Variants in GALNTL6 observed in about 807,000 individuals in gnomAD.
The protein encoded by GALNTL6 is polypeptide N-acetylgalactosaminyltransferase-like 6.
Under a neutral mutation model 73.7 loss-of-function variants are expected in GALNTL6, and 46 were observed. That is an observed-to-expected ratio of 0.62 (90% CI 0.49 to 0.80). The LOEUF (loss-of-function observed/expected upper bound fraction) is 0.80. Among genes scored for constraint, GALNTL6 ranks in the 30% least tolerant of loss-of-function variants. GALNTL6 has a pLI of 0.00. For missense variants in GALNTL6, 604 were observed against 755.0 expected (o/e 0.80, Z 2.34); for synonymous variants, 259 against 263.7 (o/e 0.98, Z 0.17).
intron 2 of GALNTL6, among the ~76,000 whole-genome samples, chr4:171,857,913 G>A (rs1295712172): frequency 6.6e-6 from 1 of 152,152 alleles, no homozygotes; most frequent in Admixed American, 6.5e-5. Context: ...CCACATCTGT[G>A]TCTTGCCTGG....
At chr4:172,733,137 G>C (rs6553649) in intron 5 of GALNTL6, among the ~76,000 whole-genome samples, 152,107 of 152,312 alleles carry the variant, frequency 1, 75,952 homozygotes, top group Non-Finnish European at 1. Context: ...ATTCTCTCAG[G>C]CTTTGTTTGT....
intron 3 of GALNTL6, among the ~76,000 whole-genome samples, chr4:172,256,410 A>G (rs1002424694): frequency 2.6e-5 from 4 of 151,562 alleles, no homozygotes; most frequent in Non-Finnish European, 4.4e-5. Context: ...TATTCAAACC[A>G]TAGCTCAAAC....
At chr4:171,944,835 C>T (rs1341616752) in intron 2 of GALNTL6, among the ~76,000 whole-genome samples, 1 of 151,828 alleles carries the variant, frequency 6.6e-6, no homozygotes, top group Non-Finnish European at 1.5e-5. Flanking sequence ...CTCACCTGTA[C>T]TTAATAATTT....
At chr4:172,201,093 T>G (rs1359317846) in intron 2 of GALNTL6, among the ~76,000 whole-genome samples, 1 of 152,146 alleles carries the variant, frequency 6.6e-6, no homozygotes, top group East Asian at 1.9e-4. Flanking sequence ...AAACTCTTTG[T>G]TAAACACTGA....
intron 2 of GALNTL6, among the ~76,000 whole-genome samples, chr4:171,930,633 A>G (rs1738152515): frequency 6.6e-6 from 1 of 152,042 alleles, no homozygotes; most frequent in Non-Finnish European, 1.5e-5. Context: ...TCAGGAGTTC[A>G]AGACCAGCCT....
chr4:172,412,515 T>C (rs930949688), intron 5 of GALNTL6, among the ~76,000 whole-genome samples: 11 of 152,160 alleles, frequency 7.2e-5, no homozygotes, highest in Non-Finnish European at 1.3e-4. Context: ...GCAAGCAAAA[T>C]ATGCTTATAG....
At chr4:172,991,644 A>T (rs1003130459) in intron 10 of GALNTL6, among the ~76,000 whole-genome samples, 1 of 151,836 alleles carries the variant, frequency 6.6e-6, no homozygotes, top group African/African-American at 2.4e-5. Context: ...CTGACCTCAA[A>T]TTATCCTCCC....
intron 5 of GALNTL6, among the ~76,000 whole-genome samples, chr4:172,762,402 G>T (rs978554218): frequency 1.3e-5 from 2 of 151,424 alleles, no homozygotes; most frequent in Admixed American, 6.6e-5. Context: ...CTAGTGAAGG[G>T]GGATCAAAAA....
At chr4:172,683,762 T>A (rs572200946) in intron 5 of GALNTL6, among the ~76,000 whole-genome samples, 2 of 152,340 alleles carry the variant, frequency 1.3e-5, no homozygotes, top group Admixed American at 6.5e-5. Context: ...GTTAGTGAGA[T>A]ACTATTCACA....
chr4:172,766,182 C>T (rs1030751389), intron 5 of GALNTL6, among the ~76,000 whole-genome samples: 3 of 152,120 alleles, frequency 2.0e-5, no homozygotes, highest in African/African-American at 7.2e-5. Flanking sequence ...ACTGATTAAA[C>T]GATTCTTCAG....
At chr4:173,037,273 A>T (rs1339464566) in intron 12 of GALNTL6, among the ~76,000 whole-genome samples, 1 of 152,194 alleles carries the variant, frequency 6.6e-6, no homozygotes, top group Non-Finnish European at 1.5e-5. Context: ...TGACCTTTGG[A>T]ATAAAATGCT....
chr4:172,915,573 A>G (rs933317299), intron 8 of GALNTL6, among the ~76,000 whole-genome samples: 1 of 152,088 alleles, frequency 6.6e-6, no homozygotes, highest in Non-Finnish European at 1.5e-5. Context: ...GATATCACCA[A>G]TGATCCCACA....
At chr4:172,950,607 A>G (rs1468843463) in intron 9 of GALNTL6, among the ~76,000 whole-genome samples, 1 of 152,202 alleles carries the variant, frequency 6.6e-6, no homozygotes, top group Admixed American at 6.5e-5. Flanking sequence ...AAGAAAATGT[A>G]CAGTCTCATT....
At chr4:172,713,262 G>GTGTGTGTGTGTGTGTGTGTT (rs1734834933) in intron 5 of GALNTL6, among the ~76,000 whole-genome samples, 1 of 125,888 alleles carries the variant, frequency 7.9e-6, no homozygotes, top group African/African-American at 3.3e-5. Context: ...GTGTGTGTGT[G>GTGTGTGTGTGTGTGTGTGTT]TGTGTTTAGA....
intron 5 of GALNTL6, among the ~76,000 whole-genome samples, chr4:172,542,241 G>A (rs868775934): frequency 1.3e-5 from 2 of 152,074 alleles, no homozygotes; most frequent in Non-Finnish European, 1.5e-5. Flanking sequence ...CAGGTATGAC[G>A]TTTACATAGC....
intron 2 of GALNTL6, among the ~76,000 whole-genome samples, chr4:172,014,290 C>T (rs1050959842): frequency 6.6e-6 from 1 of 151,858 alleles, no homozygotes; most frequent in South Asian, 2.1e-4. Context: ...TTTTGAGGAA[C>T]CTCCATTCTG....
intron 10 of GALNTL6, among the ~76,000 whole-genome samples, chr4:173,001,533 T>C (rs546963923): frequency 1.1e-4 from 16 of 152,216 alleles, no homozygotes; most frequent in African/African-American, 3.4e-4. Flanking sequence ...TTCATGAAAG[T>C]TAAAACTTTT....
chr4:172,809,348 A>G lies in GALNTL6; in HGVS notation c.554-13A>G, dbSNP rs2110985621. Reference sequence around the variant, plus strand: ...TTTGCGTTTTTTCTATGCATTCTCTACTTCCTACCTAGAACACCTGAAGGA... The same window carrying G: ...TTTGCGTTTTTTCTATGCATTCTCTGCTTCCTACCTAGAACACCTGAAGGA... On this transcript the variant is annotated splice_polypyrimidine_tract_variant and intron_variant, in intron 5 of 12. Coordinates refer to ENST00000506823, the MANE Select transcript of GALNTL6 (RefSeq NM_001034845.3). The surrounding 1 kb of genome is among the most constrained non-coding windows in gnomAD (Gnocchi z 4.4). The G allele has an allele frequency of 1.2e-6, 2 of 1,610,744 alleles. No homozygotes were observed. Among genetic ancestry groups the G allele is most frequent in the Non-Finnish European group, 8.5e-7 (1 of 1,177,876 alleles).
At chr4:172,934,164 G>A (rs1234997798) in intron 9 of GALNTL6, among the ~76,000 whole-genome samples, 2 of 152,190 alleles carry the variant, frequency 1.3e-5, no homozygotes, top group Non-Finnish European at 2.9e-5. Context: ...ACATGTATAG[G>A]TAGAGGGAAG....
Sources: allele counts gnomAD v4.1 joint callset (sites outside exome capture counted in the v4.1 genomes callset), GRCh38; gene constraint gnomAD v4.1.1; non-coding constraint Gnocchi (gnomAD v3.1); transcripts MANE v1.5; gene names NCBI Gene and HGNC (gene_info 2026-07-23, HGNC 2026-07-21).